WAC: variants seen among roughly 807,000 people sequenced by gnomAD.
The protein encoded by WAC is WW domain containing adaptor with coiled-coil.
Under a neutral mutation model 79.6 loss-of-function variants are expected in WAC, and 11 were observed. The ratio of observed to expected loss-of-function variants is 0.14; its 90% CI spans 0.09 to 0.23. WAC has a LOEUF of 0.23. Ranked by LOEUF, WAC falls within the 10% of genes least tolerant of loss-of-function variation. The probability of loss-of-function intolerance (pLI) is 1.00; values close to 1 mark genes in which losing one functional copy is unlikely to be tolerated. For synonymous variants in WAC, 304 were observed against 276.9 expected, an observed-to-expected ratio of 1.10 and a Z score of -0.97; for missense variants, 728 against 773.5, an observed-to-expected ratio of 0.94 and a Z score of 0.70.
In WAC at chr10:28,595,937, C is replaced by G; in HGVS notation, c.815C>G (p.Ser272Cys). 1.2e-6 allele frequency: 2 copies of G among 1,614,146 alleles called. No homozygotes were observed. The highest frequency in any genetic ancestry group is 1.7e-6 in the Non-Finnish European group (2 of 1,180,002). ...TVPSSPFTLQ[S>C]DHQPKKSFDA... ...CCTTCTAGTCCATTTACGCTACAGT[C>G]TGATCACCAGCCAAAGAAATCATTT... The change falls in exon 7 of 14, where the codon TCT becomes TGT. Residue 272 changes from serine (S) to cysteine (C), a missense_variant. Around this residue, in one of 3 missense-constraint regions of WAC, gnomAD observed 648 missense variants for 661.5 expected, o/e 0.98. Coordinates refer to ENST00000354911, the MANE Select transcript of WAC (RefSeq NM_016628.5).
At position 28,576,307 on chromosome 10, in the gene WAC, A is replaced by G. The variant is rs78532745; in HGVS notation, c.275-7092A>G. Among the ~76,000 whole-genome samples the G allele has an allele frequency of 2.6e-5, 4 of 152,228 alleles. No homozygotes were observed. In the East Asian group the frequency reaches 7.7e-4, roughly 29 times the overall value. On this transcript the variant is annotated intron_variant, in intron 3 of 13. Coordinates refer to ENST00000354911, the MANE Select transcript of WAC (RefSeq NM_016628.5). The stretch of plus-strand genomic sequence containing the variant: ...GTAGCCATATATATATATTTAAGAT[A>G]AGATACGGCAGTACTGTTTTTTAAA...
At chr10:28,573,454 T>C (rs1839084903) in intron 3 of WAC, among the ~76,000 whole-genome samples, 1 of 152,208 alleles carries the variant, frequency 6.6e-6, no homozygotes. Context: ...CATATTGTTT[T>C]ACATATCAGT....
At chr10:28,564,051 C>T (rs985699764) in intron 3 of WAC, among the ~76,000 whole-genome samples, 1 of 151,652 alleles carries the variant, frequency 6.6e-6, no homozygotes, top group East Asian at 1.9e-4. Context: ...CTGAGGCGGG[C>T]GGATCCCTTG....
At chr10:28,596,359 T>C (rs1326834870) in intron 7 of WAC, among the ~76,000 whole-genome samples, 4 of 152,240 alleles carry the variant, frequency 2.6e-5, no homozygotes, top group African/African-American at 9.6e-5. Flanking sequence ...ATCATTGTCT[T>C]GACAGTTTAG....
intron 4 of WAC, 76 bp downstream of exon 4, chr10:28,583,581 C>T: frequency 3.0e-6 from 3 of 983,662 alleles, no homozygotes; most frequent in Non-Finnish European, 4.4e-6. Context: ...CAACCCATGG[C>T]AAGTCTTGTA....
chr10:28,593,364 G>GA (rs1840194629), intron 6 of WAC, among the ~76,000 whole-genome samples: 1 of 152,190 alleles, frequency 6.6e-6, no homozygotes, highest in South Asian at 2.1e-4. Flanking sequence ...GGGGATGGCA[G>GA]AGGGGGAAGG....
intron 3 of WAC, among the ~76,000 whole-genome samples, chr10:28,547,261 G>A (rs1245387977): frequency 1.3e-5 from 2 of 152,114 alleles, no homozygotes; most frequent in African/African-American, 2.4e-5. Flanking sequence ...TTGGCCAGGT[G>A]CGGTGGCTCA....
intron 2 of WAC, among the ~76,000 whole-genome samples, chr10:28,534,742 T>C (rs1304368076): frequency 1.3e-5 from 2 of 152,238 alleles, no homozygotes; most frequent in Non-Finnish European, 2.9e-5. Context: ...AGAAAACACT[T>C]TCTACATCTT....
intron 3 of WAC, among the ~76,000 whole-genome samples, chr10:28,551,822 C>CTTTTT (rs1200045992): frequency 3.4e-5 from 2 of 58,980 alleles, no homozygotes; most frequent in African/African-American, 1.2e-4. Flanking sequence ...GTGTGTGTTT[C>CTTTTT]TTTTTTTTTT....
intron 3 of WAC, among the ~76,000 whole-genome samples, chr10:28,558,382 T>G (rs545596355): frequency 6.6e-6 from 1 of 152,230 alleles, no homozygotes; most frequent in East Asian, 1.9e-4. Context: ...GCAAAGAAAT[T>G]ATTTGATTTC....
chr10:28,603,749 C>T (rs1276621409), intron 7 of WAC, among the ~76,000 whole-genome samples: 3 of 150,986 alleles, frequency 2.0e-5, no homozygotes, highest in South Asian at 2.1e-4. Context: ...CTGGCTAGCA[C>T]GGTGAAAACC....
intron 3 of WAC, among the ~76,000 whole-genome samples, chr10:28,582,013 T>A (rs550081821): frequency 6.6e-6 from 1 of 152,218 alleles, no homozygotes; most frequent in East Asian, 1.9e-4. Context: ...TTAGGAAATA[T>A]CCTCTATCAT....
intron 13 of WAC, among the ~76,000 whole-genome samples, chr10:28,619,281 A>AAAAAT (rs781543104): frequency 1.9e-4 from 29 of 152,320 alleles, no homozygotes; most frequent in Non-Finnish European, 2.9e-5. Flanking sequence ...CTCTGTCTCA[A>AAAAAT]AAAATAAAAT....
chr10:28,563,939 A>G (rs1184771323), intron 3 of WAC, among the ~76,000 whole-genome samples: 1 of 151,830 alleles, frequency 6.6e-6, no homozygotes. Context: ...GTAAAATATT[A>G]TTTGAATAGA....
intron 3 of WAC, among the ~76,000 whole-genome samples, chr10:28,548,591 T>C (rs1407409301): frequency 1.3e-5 from 2 of 152,336 alleles, no homozygotes; most frequent in Non-Finnish European, 2.9e-5. Context: ...ATAACTGATT[T>C]ACTAGAAATA....
At chr10:28,609,055 A>G (rs1174426967) in intron 8 of WAC, among the ~76,000 whole-genome samples, 2 of 152,236 alleles carry the variant, frequency 1.3e-5, no homozygotes, top group Non-Finnish European at 2.9e-5. Flanking sequence ...TAATTTGGAA[A>G]CTATTCAGAT....
intron 3 of WAC, among the ~76,000 whole-genome samples, chr10:28,543,313 T>A (rs532480380): frequency 7.0e-6 from 1 of 142,296 alleles, no homozygotes; most frequent in South Asian, 2.2e-4. Flanking sequence ...AATGATTCAA[T>A]TTTAGTATAT....
At chr10:28,542,904 T>C (rs919207817) in intron 3 of WAC, among the ~76,000 whole-genome samples, 1 of 152,236 alleles carries the variant, frequency 6.6e-6, no homozygotes, top group Non-Finnish European at 1.5e-5. Context: ...TTTGCTTGCC[T>C]TTTGTGGAAT....
intron 3 of WAC, among the ~76,000 whole-genome samples, chr10:28,544,296 C>T (rs1837235390): frequency 6.6e-6 from 1 of 152,178 alleles, no homozygotes; most frequent in South Asian, 2.1e-4. Context: ...TCTTAGAGGA[C>T]TGACTAGAAG....
Sources: gnomAD v4.1 joint callset for allele counts (sites outside exome capture counted in the v4.1 genomes callset) on GRCh38, gnomAD v4.1.1 for gene constraint, gnomAD v4.1.1 regional missense constraint, MANE v1.5 for transcripts, NCBI Gene and HGNC (gene_info 2026-07-23, HGNC 2026-07-21) for gene names.